GFI1: variants seen among roughly 807,000 people sequenced by gnomAD.
GFI1 encodes the protein growth factor independent 1 transcriptional repressor.
GFI1 carries 15 observed loss-of-function variants against 39.2 expected under a neutral mutation model. That is an observed-to-expected ratio of 0.38 (90% CI 0.26 to 0.59). The LOEUF is 0.59. Ranked by LOEUF, GFI1 falls within the 20% of genes least tolerant of loss-of-function variation. The pLI is 0.62. For synonymous variants in GFI1, 239 were observed against 254.3 expected (o/e 0.94, Z 0.57); for missense variants, 475 against 574.0 (o/e 0.83, Z 1.76).
chr1:92,479,262 GCA>G (rs1344266670), intron 5 of GFI1, among the ~76,000 whole-genome samples: 1 of 152,092 alleles, frequency 6.6e-6, no homozygotes, highest in Non-Finnish European at 1.5e-5. Flanking sequence ...ACACCCATTA[GCA>G]CACACTTCTC....
At position 92,480,438 on chromosome 1, in the gene GFI1, G is replaced by A. The variant is rs1314703899; in HGVS notation, c.834C>T (p.His278=). 1.3e-6 allele frequency: 2 copies of A among 1,550,406 alleles called. No homozygotes were observed. Among genetic ancestry groups the A allele is most frequent in the Admixed American group, 2.0e-5 (1 of 51,000 alleles). The stretch of plus-strand genomic sequence containing the variant: ...CGCAGGCAAAGGGTCTGGTACCGCT[G>A]TGGGACCTGCGCACGTGCACCTCGA... The part of the protein sequence containing the change: ...HGLEVHVRRS[H]SGTRPFACEM... The change falls in exon 5 of 7, where the codon CAC becomes CAT. Residue 278 remains histidine (H), a synonymous_variant. Coordinates refer to ENST00000294702, the MANE Select transcript of GFI1 (RefSeq NM_005263.5). This position sits in a 1 kb window ranked among gnomAD's most constrained non-coding sequence, Gnocchi z 5.6.
rs567961236 is a variant in GFI1 at position 92,482,623 on chromosome 1, G to C, written c.298+241C>G. 1.3e-5 allele frequency among the ~76,000 whole-genome samples: 2 copies of C among 152,234 alleles called. No individual in the cohort carries two copies. The highest frequency in any genetic ancestry group is 3.9e-4 in the East Asian group (2 of 5,194). On this transcript the variant is annotated intron_variant, in intron 3 of 6. Coordinates refer to ENST00000294702, the MANE Select transcript of GFI1 (RefSeq NM_005263.5). This position sits in a 1 kb window ranked among gnomAD's most constrained non-coding sequence, Gnocchi z 4.4. ...CGTCACTGGCCAGCTCCGCGCAAAC[G>C]AATCTAAGCGACAAGCAGCTAGGGT... is the stretch of plus-strand genomic sequence containing the variant.
chr1:92,480,690 T>C lies in GFI1; in HGVS notation c.697A>G (p.Lys233Glu). 1.3e-6 allele frequency: 2 copies of C among 1,596,456 alleles called. No individual in the cohort carries two copies. Among genetic ancestry groups the C allele is most frequent in the South Asian group, 1.1e-5 (1 of 89,652 alleles). Residue 233 changes from lysine to glutamate, a missense_variant, in exon 4 of 7, where the codon AAG (lysine) becomes GAG (glutamate). Physicochemically the swap from Lys to Glu is moderately conservative, Grantham distance 56. Around this residue, in one of 4 missense-constraint regions of GFI1, gnomAD observed 79 missense variants for 68.4 expected, o/e 1.15. Coordinates refer to ENST00000294702, the MANE Select transcript of GFI1 (RefSeq NM_005263.5). The surrounding 1 kb of genome is among the most constrained non-coding windows in gnomAD (Gnocchi z 5.6). ...GACTCCACCTTGACGCCAGCGCCCT[T>C]GTCTGCGTGCAGCCCGTGGCCACGC... is the stretch of plus-strand genomic sequence containing the variant. ...PERGHGLHAD[K>E]GAGVKVESEL...
intron 1 of GFI1, among the ~76,000 whole-genome samples, chr1:92,486,243 T>C (rs892556652): frequency 3.3e-5 from 5 of 152,050 alleles, no homozygotes; most frequent in Admixed American, 3.3e-4. Flanking sequence ...TTTGCGCAAG[T>C]GGCCAGGCGG....
intron 6 of GFI1, among the ~76,000 whole-genome samples, chr1:92,478,097 G>C (rs1001193388): frequency 2.0e-5 from 3 of 152,150 alleles, no homozygotes; most frequent in Non-Finnish European, 4.4e-5. Flanking sequence ...GCTTAGCAGA[G>C]AGTTTAATCA....
rs757835650 is a variant in GFI1 at position 92,482,691 on chromosome 1, G to A, written c.298+173C>T. 1.3e-5 allele frequency among the ~76,000 whole-genome samples: 2 copies of A among 152,216 alleles called. 1 individual carries two copies. Among genetic ancestry groups the A allele is most frequent in the Admixed American group, 1.3e-4 (2 of 15,284 alleles). ...AGGCAGCAGCCCCAGCGGGCAAGCT[G>A]TCCAAGTCCCAGAGAAGCCGGATGC... On this transcript the variant is annotated intron_variant, in intron 3 of 6. Coordinates refer to ENST00000294702, the MANE Select transcript of GFI1 (RefSeq NM_005263.5). This position sits in a 1 kb window ranked among gnomAD's most constrained non-coding sequence, Gnocchi z 4.4.
intron 6 of GFI1, among the ~76,000 whole-genome samples, chr1:92,476,458 G>A (rs1323995136): frequency 1.3e-5 from 2 of 152,140 alleles, no homozygotes; most frequent in East Asian, 1.9e-4. Context: ...GGCCTCAAAC[G>A]GTTTCCTGCT....
chr1:92,485,486 A>C (rs952935437), intron 1 of GFI1, among the ~76,000 whole-genome samples: 12 of 151,544 alleles, frequency 7.9e-5, no homozygotes, highest in East Asian at 2.0e-4. Flanking sequence ...CCGCCTCCCC[A>C]CCCGGGCTGT....
chr1:92,479,907 G>A (rs1391854877), intron 5 of GFI1, among the ~76,000 whole-genome samples: 1 of 151,916 alleles, frequency 6.6e-6, no homozygotes, highest in Non-Finnish European at 1.5e-5. Context: ...AATGAATAGC[G>A]GGGTGAATAT....
intron 6 of GFI1, among the ~76,000 whole-genome samples, chr1:92,477,079 G>C (rs371327167): frequency 1.7e-4 from 26 of 152,176 alleles, no homozygotes; most frequent in African/African-American, 6.3e-4. Flanking sequence ...CTTGGAAAAA[G>C]TATAAAATAG....
Position 92,476,342 on chromosome 1 carries a change from C to G in GFI1, c.1091-135G>C, listed in dbSNP as rs940846033. The G allele has an allele frequency of 1.9e-5, 15 of 782,952 alleles. No individual in the cohort carries two copies. In the African/African-American group the frequency reaches 2.6e-4, roughly 13 times the overall value. The allele number at this position is 782,952 out of a possible 1,614,324, so 48.5% of individuals were successfully genotyped here. ...GGCCTTCAAGCAACTTGGAGGGTGACGTGTTGCAACCTGAACTGACTCCCA... is the reference window on the plus strand; with the variant it reads ...GGCCTTCAAGCAACTTGGAGGGTGAGGTGTTGCAACCTGAACTGACTCCCA... On this transcript the variant is annotated intron_variant, in intron 6 of 6. Transcript: ENST00000294702.
At position 92,473,154 on chromosome 1, in the gene GFI1, G is replaced by A. The variant is rs1571206803; in HGVS notation, c.*2875C>T. 6.7e-6 allele frequency among the ~76,000 whole-genome samples: 1 copy of A among 149,404 alleles called. No individual in the cohort carries two copies. The highest frequency in any genetic ancestry group is 1.5e-5 in the Non-Finnish European group (1 of 67,704). On this transcript the variant is annotated 3_prime_UTR_variant, in exon 7 of 7. Transcript: ENST00000294702. The stretch of plus-strand genomic sequence containing the variant: ...GTAATTTGTTTTGATTCTGAACTGG[G>A]GATATCAAGATACATTTTTTACCAA...
At position 92,482,885 on chromosome 1, in the gene GFI1, G is replaced by C. The variant is rs1323341284; in HGVS notation, c.277C>G (p.Pro93Ala). 5 of 1,614,078 alleles carry C rather than the reference G, an allele frequency of 3.1e-6. No individual in the cohort carries two copies. The highest frequency in any genetic ancestry group is 4.2e-6 in the Non-Finnish European group (5 of 1,179,952). The change falls in exon 3 of 7, where the codon CCG becomes GCG. Residue 93 changes from proline (P) to alanine (A), a missense_variant. By Grantham distance (27) the Pro-to-Ala change is conservative. This residue lies in a region of GFI1 where 275 missense variants were observed against 275.8 expected (regional missense o/e 1.00). Transcript: ENST00000294702. The surrounding 1 kb of genome is among the most constrained non-coding windows in gnomAD (Gnocchi z 4.4). ...SSEFEDFWRP[P>A]SPSASPASEK... Reference sequence around the variant, plus strand: ...CTACCTGGAGACGCGGAGGGTGACGGGGGCCTCCAGAAGTCCTCAAACTCC... The same window carrying C: ...CTACCTGGAGACGCGGAGGGTGACGCGGGCCTCCAGAAGTCCTCAAACTCC...
chr1:92,483,026 C>G lies in GFI1; in HGVS notation c.136G>C (p.Gly46Arg). The G allele has an allele frequency of 1.3e-6, 2 of 1,599,170 alleles. No individual in the cohort carries two copies. The highest frequency in any genetic ancestry group is 8.5e-7 in the Non-Finnish European group (1 of 1,173,668). The change falls in exon 3 of 7, where the codon GGG becomes CGG. Residue 46 changes from glycine (G) to arginine (R), a missense_variant. Physicochemically the swap from Gly to Arg is moderately radical, Grantham distance 125. Coordinates refer to ENST00000294702, the MANE Select transcript of GFI1 (RefSeq NM_005263.5). Reference sequence around the variant, plus strand: ...CGGTCCCGGGGCTCCGCCTTCGCCCCGCCTGCATTTGAAGTGCTGTCTGCA... The same window carrying G: ...CGGTCCCGGGGCTCCGCCTTCGCCCGGCCTGCATTTGAAGTGCTGTCTGCA... ...SRADSTSNAG[G>R]AKAEPRDRLS... is the part of the protein sequence containing the mutation.
At chr1:92,486,478 G>A (rs1658531756) in intron 1 of GFI1, among the ~76,000 whole-genome samples, 1 of 151,890 alleles carries the variant, frequency 6.6e-6, no homozygotes, top group African/African-American at 2.4e-5. Context: ...GGTGGGGGGC[G>A]CCCCGCTCCG....
chr1:92,485,880 C>T (rs1448263230), intron 1 of GFI1: 1 of 152,272 alleles, frequency 6.6e-6, no homozygotes, highest in Non-Finnish European at 1.5e-5. Flanking sequence ...GCTCTCTGGG[C>T]TCCCGCACGG....
At position 92,475,720 on chromosome 1, in the gene GFI1, G is replaced by C. The variant is rs1334333581; in HGVS notation, c.*309C>G. 2.4e-6 allele frequency: 1 copy of C among 424,402 alleles called. No individual in the cohort carries two copies. The highest frequency in any genetic ancestry group is 4.4e-6 in the Non-Finnish European group (1 of 226,042). 26.3% of individuals were successfully genotyped at this position (424,402 alleles called of 1,614,324 possible). On this transcript the variant is annotated 3_prime_UTR_variant, in exon 7 of 7. Coordinates refer to ENST00000294702, the MANE Select transcript of GFI1 (RefSeq NM_005263.5). ...GGCTGGAAATGGGAAGGACTGTGGG[G>C]TCTAAGATTTATTCTGGTCCCCATT... is the stretch of plus-strand genomic sequence containing the variant.
At position 92,478,611 on chromosome 1, in the gene GFI1, T is replaced by C. The variant is rs1343048531; in HGVS notation, c.1067A>G (p.Lys356Arg). 1 of 1,614,114 alleles carries C rather than the reference T, an allele frequency of 6.2e-7. No homozygotes were observed. The change falls in exon 6 of 7, where the codon AAG becomes AGG. Residue 356 changes from lysine to arginine, a missense_variant. Physicochemically the swap from Lys to Arg is conservative, Grantham distance 26. This residue lies in a region of GFI1 where 112 missense variants were observed against 202.8 expected (regional missense o/e 0.55). Coordinates refer to ENST00000294702, the MANE Select transcript of GFI1 (RefSeq NM_005263.5). ...ACCAGTGTGGATGAAAGTGTGTTTC[T>C]TCATGTCTGACTTCTGGTGGAACCT... Reference protein sequence around the residue: ...GKRFHQKSDMKKHTFIHTGEK... With the variant: ...GKRFHQKSDMRKHTFIHTGEK...
Position 92,480,224 on chromosome 1 carries a change from T to TTGGGGGAGGAAAC in GFI1, c.924+111_924+123dup. 1 of 1,096,802 alleles carries TTGGGGGAGGAAAC rather than the reference T, an allele frequency of 9.1e-7. No homozygotes were observed. Among genetic ancestry groups the TTGGGGGAGGAAAC allele is most frequent in the South Asian group, 1.4e-5 (1 of 73,040 alleles). 67.9% of individuals were successfully genotyped at this position (1,096,802 alleles called of 1,614,324 possible). A position where few individuals can be genotyped will look rare whatever the true frequency, so the allele number is the denominator to read the frequency against. On this transcript the variant is annotated intron_variant, in intron 5 of 6. Coordinates refer to ENST00000294702, the MANE Select transcript of GFI1 (RefSeq NM_005263.5). This position sits in a 1 kb window ranked among gnomAD's most constrained non-coding sequence, Gnocchi z 5.6. ...AGGGCAAGGGGACGCAGCGGAGGGC[T>TTGGGGGAGGAAAC]TGGGGGAGGAAACTGGGGGAAGTCG...
Sources: allele counts gnomAD v4.1 joint callset (sites outside exome capture counted in the v4.1 genomes callset), GRCh38; gene constraint gnomAD v4.1.1; regional missense constraint gnomAD v4.1.1; non-coding constraint Gnocchi (gnomAD v3.1); transcripts MANE v1.5; gene names NCBI Gene and HGNC (gene_info 2026-07-23, HGNC 2026-07-21).